CCDC138: variants seen among roughly 807,000 people sequenced by gnomAD.
CCDC138 encodes coiled-coil domain-containing protein 138.
A neutral mutation model predicts 82.3 loss-of-function variants in CCDC138; 66 were observed. That is an observed-to-expected ratio of 0.80 (90% CI 0.66 to 0.98). The LOEUF is 0.98. CCDC138 is among the 50% of genes least tolerant of loss of function. CCDC138 has a pLI of 0.00. For missense variants in CCDC138, 816 were observed against 758.9 expected (o/e 1.08, Z -0.88); for synonymous variants, 297 against 265.4 (o/e 1.12, Z -1.16).
At chr2:108,845,650 C>T (rs1690321395) in intron 11 of CCDC138, among the ~76,000 whole-genome samples, 1 of 149,920 alleles carries the variant, frequency 6.7e-6, no homozygotes, top group Admixed American at 6.7e-5. Context: ...CGGCTCACTG[C>T]AAGCTCCGCC....
downstream of CCDC138, chr2:108,878,185 TA>T (rs1696162722): frequency 6.6e-6 from 1 of 152,204 alleles, no homozygotes; most frequent in Admixed American, 6.5e-5. Context: ...TAAATAATTA[TA>T]ACTGTTTATA....
In CCDC138 at chr2:108,828,864, G is replaced by C. The variant is rs144361604; in HGVS notation, c.1207-10321G>C. ...ATGGTGGCAGGCACCTGTAATCCCA[G>C]GTACTCGAGATGCTGAGGCAGGAGA... On this transcript the variant is annotated intron_variant, in intron 10 of 14. Transcript: ENST00000295124. 3.2e-3 allele frequency among the ~76,000 whole-genome samples: 486 copies of C among 152,178 alleles called. 2 individuals are homozygous for C. The highest frequency in any genetic ancestry group is 0.011 in the African/African-American group (445 of 41,524).
intron 4 of CCDC138, among the ~76,000 whole-genome samples, chr2:108,794,137 A>G (rs1478912506): frequency 1.3e-5 from 2 of 152,232 alleles, no homozygotes; most frequent in Non-Finnish European, 2.9e-5. Context: ...TTTAAGATTA[A>G]GTAGTGGAGA....
chr2:108,811,247 C>CTTT (rs55661786), intron 7 of CCDC138, among the ~76,000 whole-genome samples: 1 of 113,940 alleles, frequency 8.8e-6, no homozygotes, highest in African/African-American at 3.8e-5. Context: ...TTCTCTCTCT[C>CTTT]TTTTTTTTTT....
At chr2:108,876,019 C>CT (rs1695977125) in intron 14 of CCDC138, 69 bp from the exon 15 acceptor site, 1 of 928,654 alleles carries the variant, frequency 1.1e-6, no homozygotes, top group South Asian at 2.1e-5. Flanking sequence ...CATAAATTAT[C>CT]TGTCAGTGTC....
intron 10 of CCDC138, among the ~76,000 whole-genome samples, chr2:108,830,936 A>T (rs914694424): frequency 6.6e-6 from 1 of 152,144 alleles, no homozygotes; most frequent in Non-Finnish European, 1.5e-5. Flanking sequence ...GCACTTTGGG[A>T]TGCCGAGGCA....
chr2:108,874,820 T>G (rs994418063), intron 14 of CCDC138, among the ~76,000 whole-genome samples: 13 of 152,198 alleles, frequency 8.5e-5, no homozygotes, highest in African/African-American at 2.7e-4. Flanking sequence ...TCTCTTGATT[T>G]CAGTAAATTC....
At chr2:108,877,196 G>A (rs1043564033), downstream of CCDC138, among the ~76,000 whole-genome samples, 2 of 152,122 alleles carry the variant, frequency 1.3e-5, no homozygotes, top group Admixed American at 6.6e-5. Context: ...GGCCAGGCGC[G>A]GTGGCTTACG....
chr2:108,790,591 A>G (rs2149411838), intron 3 of CCDC138, among the ~76,000 whole-genome samples: 1 of 152,258 alleles, frequency 6.6e-6, no homozygotes, highest in Admixed American at 6.5e-5. Flanking sequence ...AGTCCCAGCT[A>G]CTCGGGAGGC....
Position 108,847,034 on chromosome 2 carries a change from G to T in CCDC138, c.1516+104G>T, listed in dbSNP as rs1558724662. 4.4e-6 allele frequency: 3 copies of T among 687,744 alleles called. No homozygotes were observed. In the East Asian group the frequency reaches 8.0e-5, roughly 18 times the overall value. The allele number at this position is 687,744 out of a possible 1,614,324, so 42.6% of individuals were successfully genotyped here. A position where few individuals can be genotyped will look rare whatever the true frequency, so the allele number is the denominator to read the frequency against. Reference sequence around the variant, plus strand: ...ATATGTTGTACATTTTCAGAATGAGGTTTTGAATTGTTTTATAATGGTTAC... The same window carrying T: ...ATATGTTGTACATTTTCAGAATGAGTTTTTGAATTGTTTTATAATGGTTAC... On this transcript the variant is annotated intron_variant, in intron 12 of 14. Coordinates refer to ENST00000295124, the MANE Select transcript of CCDC138 (RefSeq NM_144978.3).
intron 7 of CCDC138, among the ~76,000 whole-genome samples, chr2:108,811,159 C>A (rs1280374464): frequency 1.3e-5 from 2 of 150,102 alleles, no homozygotes; most frequent in East Asian, 3.9e-4. Flanking sequence ...GCCTTCCCTA[C>A]CCCCCTAACC....
intron 13 of CCDC138, among the ~76,000 whole-genome samples, chr2:108,860,616 G>A (rs1693408971): frequency 6.6e-6 from 1 of 151,468 alleles, no homozygotes; most frequent in African/African-American, 2.4e-5. Context: ...ACTGATTTGC[G>A]TATATTGAAT....
At position 108,788,843 on chromosome 2, in the gene CCDC138, C is replaced by G. The variant is rs1558958274; in HGVS notation, c.152-9C>G. On this transcript the variant is annotated splice_polypyrimidine_tract_variant and intron_variant, in intron 2 of 14. Transcript: ENST00000295124. ...TGGTAATCTTTCATGGTTTCTTTGT[C>G]GTTGACAGGTGATTTGGATATCTAC... The G allele has an allele frequency of 6.2e-7, 1 of 1,613,664 alleles. No homozygotes were observed. The highest frequency in any genetic ancestry group is 1.7e-5 in the Admixed American group (1 of 59,994).
chr2:108,853,878 AATATATTATATAGTATATATATT>A (rs1208107342), intron 12 of CCDC138, among the ~76,000 whole-genome samples: 45 of 124,846 alleles, frequency 3.6e-4, no homozygotes, highest in African/African-American at 9.3e-4. Flanking sequence ...TATACTATAT[AATATATTATATAGTATATATATT>A]ATATATTATA....
chr2:108,831,864 C>T (rs1161421327), intron 10 of CCDC138, among the ~76,000 whole-genome samples: 1 of 151,930 alleles, frequency 6.6e-6, no homozygotes, highest in Non-Finnish European at 1.5e-5. Flanking sequence ...TCCCGAGTAG[C>T]TGGGATTGCA....
chr2:108,791,502 TC>T, intron 3 of CCDC138, 172 bp from the exon 4 acceptor site: 1 of 692,666 alleles, frequency 1.4e-6, no homozygotes, highest in Non-Finnish European at 2.5e-6. Flanking sequence ...TTATCAATGA[TC>T]AGTGACTGTT....
chr2:108,858,944 A>C (rs181761734), intron 13 of CCDC138, among the ~76,000 whole-genome samples: 181 of 152,250 alleles, frequency 1.2e-3, no homozygotes, highest in African/African-American at 4.3e-3. Context: ...GGTTGATTCC[A>C]CATCTTTGCT....
intron 11 of CCDC138, among the ~76,000 whole-genome samples, chr2:108,839,605 T>C (rs1689125595): frequency 6.6e-6 from 1 of 152,172 alleles, no homozygotes; most frequent in African/African-American, 2.4e-5. Context: ...CTTGTTTACC[T>C]TTTTGGCTGA....
At position 108,798,540 on chromosome 2, in the gene CCDC138, A is replaced by G; in HGVS notation, c.689A>G (p.Lys230Arg). 2 of 1,613,762 alleles carry G rather than the reference A, an allele frequency of 1.2e-6. No homozygotes were observed. The highest frequency in any genetic ancestry group is 1.7e-4 in the Middle Eastern group (1 of 6,052). Residue 230 changes from lysine to arginine, a missense_variant, in exon 6 of 15, where the codon AAA (lysine) becomes AGA (arginine). Transcript: ENST00000295124. ...CATGAAAATGCCTTGAGTAAAATTAAAGGTGTTGAAGAAGAGGTTCTTACA... is the reference window on the plus strand; with the variant it reads ...CATGAAAATGCCTTGAGTAAAATTAGAGGTGTTGAAGAAGAGGTTCTTACA... ...FRHENALSKI[K>R]GVEEEVLTRF...
Sources: gnomAD v4.1 joint callset for allele counts (sites outside exome capture counted in the v4.1 genomes callset) on GRCh38, gnomAD v4.1.1 for gene constraint, MANE v1.5 for transcripts, NCBI Gene and HGNC (gene_info 2026-07-23, HGNC 2026-07-21) for gene names.